Variants in RAB13 observed in about 807,000 individuals in gnomAD.
The protein encoded by RAB13 is ras-related protein Rab-13.
Under a neutral mutation model 29.3 loss-of-function variants are expected in RAB13, and 15 were observed. That is an observed-to-expected ratio of 0.51 (90% CI 0.34 to 0.79). The LOEUF (loss-of-function observed/expected upper bound fraction) is 0.79. RAB13 is among the 30% of genes least tolerant of loss of function. The probability of loss-of-function intolerance (pLI) is 0.01; values close to 1 mark genes in which losing one functional copy is unlikely to be tolerated. For synonymous variants in RAB13, 82 were observed against 93.8 expected (o/e 0.87, Z 0.73); for missense variants, 186 against 255.5 (o/e 0.73, Z 1.85).
intron 3 of RAB13, 98 bp downstream of exon 3, chr1:153,983,423 C>G: frequency 6.8e-7 from 1 of 1,475,408 alleles, no homozygotes; most frequent in South Asian, 1.1e-5. Flanking sequence ...CACACTGCAC[C>G]CCTCCCATTT....
In RAB13 at chr1:153,984,736, ATCT is replaced by A. The variant is rs780392312; in HGVS notation, c.167_169del (p.Lys56del). 7 of 1,613,662 alleles carry A rather than the reference ATCT, an allele frequency of 4.3e-6. No homozygotes were observed. The highest frequency in any genetic ancestry group is 5.9e-6 in the Non-Finnish European group (7 of 1,179,764). ...ACTGACTTACCAGACTTGTAGTTTG[ATCT>A]TCTTCCCCTCTATATCCACAGTGCG... On this transcript the variant is annotated inframe_deletion, in exon 2 of 8. Coordinates refer to ENST00000368575, the MANE Select transcript of RAB13 (RefSeq NM_002870.5).
At chr1:153,986,991 C>T (rs891334059), upstream of RAB13, among the ~76,000 whole-genome samples, 4 of 152,154 alleles carry the variant, frequency 2.6e-5, no homozygotes, top group Non-Finnish European at 5.9e-5. Flanking sequence ...CTAGACACAT[C>T]CTGGGGCTTC....
At chr1:153,984,949 T>C in intron 1 of RAB13, 168 bp from the exon 2 acceptor site, 3 of 1,367,990 alleles carry the variant, frequency 2.2e-6, no homozygotes, top group Non-Finnish European at 2.8e-6. Flanking sequence ...TTCCCAAAGC[T>C]GTATTTGTAT....
chr1:153,986,625 GA>G (rs1190546925), upstream of RAB13, among the ~76,000 whole-genome samples: 12 of 152,074 alleles, frequency 7.9e-5, no homozygotes, highest in Admixed American at 7.9e-4. Flanking sequence ...AGAAATTTTA[GA>G]AGAGAAATTT....
intron 2 of RAB13, among the ~76,000 whole-genome samples, chr1:153,984,038 C>T (rs1433007157): frequency 6.6e-6 from 1 of 151,662 alleles, no homozygotes; most frequent in East Asian, 1.9e-4. Flanking sequence ...TTAGCCCGGC[C>T]TAGTGGCGGG....
upstream of RAB13, among the ~76,000 whole-genome samples, chr1:153,989,878 G>C (rs6668510): frequency 1.1e-3 from 165 of 150,748 alleles, no homozygotes; most frequent in African/African-American, 3.9e-3. Context: ...GGCAACAAGA[G>C]CAAAACTGTG....
Position 153,984,325 on chromosome 1 carries a change from C to T in RAB13, c.185+396G>A, listed in dbSNP as rs555692269. ...CATAATGCCTCCACTAAGCTTCATACCACTTAAACACCTTCAGGGTCTATA... is the reference window on the plus strand; with the variant it reads ...CATAATGCCTCCACTAAGCTTCATATCACTTAAACACCTTCAGGGTCTATA... On this transcript the variant is annotated intron_variant, in intron 2 of 7. Transcript: ENST00000368575. Among the ~76,000 whole-genome samples, 5 of 152,284 alleles carry T rather than the reference C, an allele frequency of 3.3e-5. No homozygotes were observed. In the East Asian group the frequency reaches 9.6e-4, roughly 29 times the overall value.
chr1:153,983,775 T>C (rs2102192295), intron 2 of RAB13, among the ~76,000 whole-genome samples, 194 bp from the exon 3 acceptor site: 1 of 152,356 alleles, frequency 6.6e-6, no homozygotes, highest in African/African-American at 2.4e-5. Flanking sequence ...ACAAGATGTC[T>C]TTGCTTATTC....
upstream of RAB13, among the ~76,000 whole-genome samples, chr1:153,987,258 G>A (rs1274622472): frequency 1.3e-5 from 2 of 152,116 alleles, no homozygotes; most frequent in Admixed American, 6.6e-5. Flanking sequence ...TGTAATCCCA[G>A]CACTTTGGGA....
rs1648980918 is a variant in RAB13, at chr1:153,981,834, G to A, written c.*265C>T. ...AAAACCCAGGTAAGGTCTGAAGCCT[G>A]AGGCATCTCTCCTTCCTTTCCTCCT... On this transcript the variant is annotated 3_prime_UTR_variant, in exon 8 of 8. Coordinates refer to ENST00000368575, the MANE Select transcript of RAB13 (RefSeq NM_002870.5). 1 of 552,242 alleles carries A rather than the reference G, an allele frequency of 1.8e-6. No homozygotes were observed. Among genetic ancestry groups the A allele is most frequent in the Non-Finnish European group, 3.3e-6 (1 of 307,614 alleles). The allele number at this position is 552,242 out of a possible 1,614,324, so 34.2% of individuals were successfully genotyped here.
upstream of RAB13, among the ~76,000 whole-genome samples, chr1:153,987,529 A>AAAG (rs774717979): frequency 1.9e-4 from 10 of 52,046 alleles, no homozygotes; most frequent in African/African-American, 9.0e-4. Context: ...AAAAAAAAAA[A>AAAG]AAGAAAGAAA....
chr1:153,987,456 C>T (rs1211460293), upstream of RAB13, among the ~76,000 whole-genome samples: 5 of 144,812 alleles, frequency 3.5e-5, no homozygotes, highest in South Asian at 1.1e-3. Flanking sequence ...GCAGAGCTTG[C>T]AGTGAGCCGA....
Position 153,982,772 on chromosome 1 carries a change from T to TC in RAB13, c.360dup (p.Asn121GlufsTer4). The stretch of plus-strand genomic sequence containing the variant: ...CTCTTGGCCTCCATGTCACATTTGT[T>TC]CCCCAGCAAGAGGCGCTCCACCCCA... On this transcript the variant is annotated frameshift_variant, in exon 5 of 8. Coordinates refer to ENST00000368575, the MANE Select transcript of RAB13 (RefSeq NM_002870.5). LOFTEE classifies it high-confidence loss of function. 1 of 1,614,038 alleles carries TC rather than the reference T, an allele frequency of 6.2e-7. No homozygotes were observed. Among genetic ancestry groups the TC allele is most frequent in the Non-Finnish European group, 8.5e-7 (1 of 1,180,010 alleles).
chr1:153,988,673 G>A (rs900259663), upstream of RAB13, among the ~76,000 whole-genome samples: 1 of 149,400 alleles, frequency 6.7e-6, no homozygotes, highest in African/African-American at 2.4e-5. Flanking sequence ...GGGTGCAATG[G>A]TGTGATCTGG....
chr1:153,987,798 AAAATT>A (rs1649226095), upstream of RAB13, among the ~76,000 whole-genome samples: 1 of 149,244 alleles, frequency 6.7e-6, no homozygotes, highest in African/African-American at 2.5e-5. Context: ...AAAAAAAAAA[AAAATT>A]AGCCATACAT....
chr1:153,983,131 A>T (rs1455877593), intron 4 of RAB13, 88 bp downstream of exon 4: 24 of 1,241,010 alleles, frequency 1.9e-5, no homozygotes, highest in Non-Finnish European at 2.5e-5. Flanking sequence ...ATCTCAAAAA[A>T]AAAAAAGTTA....
chr1:153,982,553 G>A lies in RAB13; in HGVS notation c.462C>T (p.Ser154=), dbSNP rs545834123. Residue 154 remains serine, a synonymous_variant, in exon 6 of 8, where the codon TCC becomes TCT. Transcript: ENST00000368575. ...GIRFFETSAK[S]SMNVDEAFSS... ...ATCTCACCTCATCCACATTCATACT[G>A]GATTTAGCACTAGTTTCGAAAAATC... The A allele has an allele frequency of 6.2e-7, 1 of 1,611,042 alleles. No homozygotes were observed. The highest frequency in any genetic ancestry group is 1.1e-5 in the South Asian group (1 of 90,962).
intron 2 of RAB13, among the ~76,000 whole-genome samples, chr1:153,984,358 C>G (rs1649095858): frequency 6.6e-6 from 1 of 152,148 alleles, no homozygotes; most frequent in African/African-American, 2.4e-5. Flanking sequence ...ATATTTGGCT[C>G]TCTGGGCTCA....
intron 4 of RAB13, 129 bp from the exon 5 acceptor site, chr1:153,982,937 C>T (rs1649038251): frequency 2.2e-6 from 2 of 915,552 alleles, no homozygotes; most frequent in Admixed American, 4.4e-5. Flanking sequence ...ATCAGCCTGA[C>T]CAACATGGAG....
Sources: gnomAD v4.1 joint callset for allele counts (sites outside exome capture counted in the v4.1 genomes callset) on GRCh38, gnomAD v4.1.1 for gene constraint, MANE v1.5 for transcripts, NCBI Gene and HGNC (gene_info 2026-07-23, HGNC 2026-07-21) for gene names.